The following MTHFD2L variants were observed in gnomAD, a reference collection of about 807,000 sequenced individuals.
MTHFD2L encodes methylenetetrahydrofolate dehydrogenase (NADP+ dependent) 2 like, also known as bifunctional methylenetetrahydrofolate dehydrogenase/cyclohydrolase 2, mitochondrial.
A neutral mutation model predicts 34.9 loss-of-function variants in MTHFD2L; 29 were observed. The observed-to-expected ratio is 0.83, with a 90% CI of 0.62 to 1.13. MTHFD2L has a LOEUF of 1.13. Ranked by LOEUF, MTHFD2L falls within the 50% of genes most tolerant of loss-of-function variation. The probability of loss-of-function intolerance (pLI) is 0.00; values close to 1 mark genes in which losing one functional copy is unlikely to be tolerated. For missense variants in MTHFD2L, 481 were observed against 446.5 expected, an observed-to-expected ratio of 1.08 and a Z score of -0.70; for synonymous variants, 167 against 155.7, an observed-to-expected ratio of 1.07 and a Z score of -0.54.
chr4:74,218,616 C>G (rs529624474), intron 5 of MTHFD2L, among the ~76,000 whole-genome samples: 1 of 117,804 alleles, frequency 8.5e-6, no homozygotes, highest in Admixed American at 7.7e-5. Context: ...AATTTCAAGC[C>G]CCCCCCCCAC....
intron 2 of MTHFD2L, 126 bp from the exon 3 acceptor site, chr4:74,175,155 C>T (rs558246629): frequency 1.7e-4 from 171 of 1,004,984 alleles, no homozygotes; most frequent in Non-Finnish European, 2.2e-4. Flanking sequence ...GAAATCCTTC[C>T]TGATGATGCA....
intron 6 of MTHFD2L, among the ~76,000 whole-genome samples, chr4:74,227,559 T>G (rs1014162978): frequency 1.1e-4 from 16 of 151,792 alleles, no homozygotes; most frequent in Non-Finnish European, 1.9e-4. Context: ...AGGAGCATGC[T>G]TGATGTATTC....
intron 5 of MTHFD2L, among the ~76,000 whole-genome samples, chr4:74,206,255 G>A (rs991689721): frequency 1.5e-4 from 23 of 152,134 alleles, no homozygotes; most frequent in Non-Finnish European, 3.1e-4. Context: ...AGGCATGTAA[G>A]AATTGGGTGG....
At chr4:74,268,701 A>G (rs1745604614) in intron 6 of MTHFD2L, among the ~76,000 whole-genome samples, 1 of 152,176 alleles carries the variant, frequency 6.6e-6, no homozygotes, top group African/African-American at 2.4e-5. Context: ...TCCATAGGGA[A>G]GTGATTAATT....
intron 6 of MTHFD2L, among the ~76,000 whole-genome samples, chr4:74,231,789 T>G (rs1230654547): frequency 6.6e-6 from 1 of 152,218 alleles, no homozygotes; most frequent in Non-Finnish European, 1.5e-5. Flanking sequence ...CTACTTTATA[T>G]TTTTGATCTT....
chr4:74,299,433 G>A (rs983378308), intron 7 of MTHFD2L, among the ~76,000 whole-genome samples: 2 of 151,642 alleles, frequency 1.3e-5, no homozygotes, highest in Non-Finnish European at 2.9e-5. Context: ...AGTAGCAGTA[G>A]CATAAATGTT....
intron 1 of MTHFD2L, among the ~76,000 whole-genome samples, chr4:74,141,714 G>T (rs1723283346): frequency 6.6e-6 from 1 of 152,034 alleles, no homozygotes; most frequent in Non-Finnish European, 1.5e-5. Flanking sequence ...GATAATTTTT[G>T]AAATAATATT....
intron 6 of MTHFD2L, among the ~76,000 whole-genome samples, chr4:74,277,264 T>C (rs1746789366): frequency 6.6e-6 from 1 of 151,880 alleles, no homozygotes; most frequent in Admixed American, 6.6e-5. Context: ...TGGAGTCTTA[T>C]CTGTGCTTGC....
chr4:74,158,031 C>T (rs1214503382), upstream of MTHFD2L: 1 of 1,484,178 alleles, frequency 6.7e-7, no homozygotes, highest in Non-Finnish European at 9.1e-7. Flanking sequence ...CTGGGAAGCG[C>T]TACTTGCTGC....
chr4:74,283,361 T>TA (rs1277976502), intron 7 of MTHFD2L, among the ~76,000 whole-genome samples: 1 of 152,170 alleles, frequency 6.6e-6, no homozygotes, highest in African/African-American at 2.4e-5. Flanking sequence ...ATATGCTTAG[T>TA]AGCACATATA....
At chr4:74,146,971 A>C (rs997638493) in intron 1 of MTHFD2L, among the ~76,000 whole-genome samples, 1 of 151,946 alleles carries the variant, frequency 6.6e-6, no homozygotes, top group African/African-American at 2.4e-5. Flanking sequence ...TGGATCTCTC[A>C]GTTTTAGGAT....
intron 1 of MTHFD2L, among the ~76,000 whole-genome samples, chr4:74,173,092 T>G (rs510417): frequency 0.99 from 150,671 of 152,064 alleles, 74,661 homozygotes; most frequent in Middle Eastern, 1. Flanking sequence ...AATATTTATT[T>G]ACCTACATTT....
intron 1 of MTHFD2L, among the ~76,000 whole-genome samples, chr4:74,129,117 A>G (rs1204719119): frequency 6.6e-6 from 1 of 152,090 alleles, no homozygotes; most frequent in African/African-American, 2.4e-5. Context: ...TCTTTTAAAT[A>G]TAACAAGTTA....
chr4:74,164,372 C>T (rs903241336), intron 1 of MTHFD2L, among the ~76,000 whole-genome samples: 4 of 152,076 alleles, frequency 2.6e-5, no homozygotes, highest in Non-Finnish European at 4.4e-5. Flanking sequence ...ATAATCCTCC[C>T]CCTTTGTTAT....
chr4:74,201,237 A>G (rs1444714363), intron 4 of MTHFD2L, 26 bp from the exon 5 acceptor site: 1 of 1,567,732 alleles, frequency 6.4e-7, no homozygotes, highest in Non-Finnish European at 8.8e-7. Flanking sequence ...TCAATTCTGC[A>G]TTTAAACCGA....
chr4:74,134,315 C>A (rs1722751020), intron 1 of MTHFD2L, among the ~76,000 whole-genome samples: 1 of 152,100 alleles, frequency 6.6e-6, no homozygotes, highest in Non-Finnish European at 1.5e-5. Flanking sequence ...TCCACAAGTC[C>A]CCTGGGAACA....
At chr4:74,132,039 G>T (rs1722550468) in intron 1 of MTHFD2L, among the ~76,000 whole-genome samples, 1 of 152,124 alleles carries the variant, frequency 6.6e-6, no homozygotes, top group Admixed American at 6.5e-5. Context: ...ACCACAATGA[G>T]ATACCATCTC....
chr4:74,266,843 A>C (rs376410206), intron 6 of MTHFD2L: 1 of 985,198 alleles, frequency 1.0e-6, no homozygotes, highest in Non-Finnish European at 1.2e-6. Context: ...CTAAGACTGC[A>C]TAAGAGGGGA....
At chr4:74,213,026 T>C (rs1736606750) in intron 5 of MTHFD2L, among the ~76,000 whole-genome samples, 2 of 152,278 alleles carry the variant, frequency 1.3e-5, no homozygotes, top group South Asian at 4.2e-4. Context: ...CCCTGCTTTT[T>C]TTTTTTGCTT....
Sources: gnomAD v4.1 joint callset for allele counts (sites outside exome capture counted in the v4.1 genomes callset) on GRCh38, gnomAD v4.1.1 for gene constraint, MANE v1.5 for transcripts, NCBI Gene and HGNC (gene_info 2026-07-23, HGNC 2026-07-21) for gene names.